Variants in BLTP3A observed in about 807,000 individuals in gnomAD.
The protein encoded by BLTP3A is bridge-like lipid transfer protein family member 3A.
At chr6:34,829,122 A>G in the BLTP3A span, among the ~76,000 whole-genome samples, 1 of 152,062 alleles carries the variant, frequency 6.6e-6, no homozygotes, top group Non-Finnish European at 1.5e-5. Flanking sequence ...TTCACATACC[A>G]TAACATTCAT....
At chr6:34,806,380 C>T in the BLTP3A span, among the ~76,000 whole-genome samples, 1 of 152,176 alleles carries the variant, frequency 6.6e-6, no homozygotes, top group Non-Finnish European at 1.5e-5. Flanking sequence ...GTGCTGCTCT[C>T]TTAGGTACGT....
the BLTP3A span, among the ~76,000 whole-genome samples, chr6:34,827,387 AAAAG>A: frequency 1.3e-3 from 193 of 152,322 alleles, no homozygotes; most frequent in African/African-American, 4.2e-3. Context: ...CTATTCAAAT[AAAAG>A]AAAAGAGGAT....
At chr6:34,839,554 A>C in the BLTP3A span, among the ~76,000 whole-genome samples, 1 of 152,230 alleles carries the variant, frequency 6.6e-6, no homozygotes, top group Non-Finnish European at 1.5e-5. Flanking sequence ...GACTATGCCA[A>C]ATGTCATGCC....
chr6:34,860,301 G>A, the BLTP3A span, among the ~76,000 whole-genome samples: 1 of 152,170 alleles, frequency 6.6e-6, no homozygotes, highest in Non-Finnish European at 1.5e-5. Flanking sequence ...ACACAGAAAT[G>A]CACAGTGAGA....
the BLTP3A span, among the ~76,000 whole-genome samples, chr6:34,808,977 T>G: frequency 6.6e-6 from 1 of 152,198 alleles, no homozygotes; most frequent in African/African-American, 2.4e-5. Context: ...TTTTAAACAT[T>G]TAAGAAATAC....
At chr6:34,871,598 C>T in the BLTP3A span, 2 of 1,612,920 alleles carry the variant, frequency 1.2e-6, no homozygotes, top group Admixed American at 1.7e-5. Flanking sequence ...ATATCCCCCC[C>T]ATCTATCCAA....
chr6:34,857,065 T>C, the BLTP3A span: 1 of 1,241,436 alleles, frequency 8.1e-7, no homozygotes, highest in African/African-American at 1.5e-5. Context: ...TTGGTCTGTT[T>C]CTTTCTGAGC....
At chr6:34,800,378 A>G in the BLTP3A span, among the ~76,000 whole-genome samples, 1 of 152,176 alleles carries the variant, frequency 6.6e-6, no homozygotes, top group Non-Finnish European at 1.5e-5. Flanking sequence ...GTTGCTTTGA[A>G]ATCGGAGAGT....
the BLTP3A span, chr6:34,835,471 G>C: frequency 6.2e-7 from 1 of 1,613,278 alleles, no homozygotes; most frequent in Non-Finnish European, 8.5e-7. Flanking sequence ...GCAGGTTAGA[G>C]ATAAAACAGA....
chr6:34,800,678 G>A, the BLTP3A span, among the ~76,000 whole-genome samples: 1 of 152,144 alleles, frequency 6.6e-6, no homozygotes, highest in East Asian at 1.9e-4. Flanking sequence ...GAATCAATCA[G>A]TATCTATAGT....
the BLTP3A span, chr6:34,859,537 A>T: frequency 6.2e-7 from 1 of 1,614,060 alleles, no homozygotes; most frequent in Non-Finnish European, 8.5e-7. Context: ...AATGACCTCC[A>T]CCATGCACAA....
chr6:34,833,098 T>C, the BLTP3A span, among the ~76,000 whole-genome samples: 11 of 152,314 alleles, frequency 7.2e-5, no homozygotes, highest in African/African-American at 2.6e-4. Context: ...AGTTGATCCT[T>C]GAATAGCACA....
At chr6:34,824,168 C>T in the BLTP3A span, among the ~76,000 whole-genome samples, 1,121 of 152,112 alleles carry the variant, frequency 7.4e-3, 21 homozygotes, top group African/African-American at 0.026. Context: ...TGTGAACCCA[C>T]CTGCAAATAC....
the BLTP3A span, among the ~76,000 whole-genome samples, chr6:34,826,357 C>CTTT: frequency 3.7e-5 from 5 of 135,422 alleles, no homozygotes; most frequent in Admixed American, 7.5e-5. Context: ...TTACATCCTA[C>CTTT]TTTTTTTTTT....
the BLTP3A span, chr6:34,871,098 C>G: frequency 9.3e-6 from 15 of 1,613,936 alleles, no homozygotes; most frequent in East Asian, 3.1e-4. Context: ...AGCTTCTGAA[C>G]TCCAGCATCA....
At chr6:34,860,337 A>G in the BLTP3A span, among the ~76,000 whole-genome samples, 2 of 152,160 alleles carry the variant, frequency 1.3e-5, no homozygotes, top group African/African-American at 4.8e-5. Flanking sequence ...CGATTTTCCC[A>G]TGGGTGCCTC....
At chr6:34,802,955 C>T in the BLTP3A span, among the ~76,000 whole-genome samples, 2 of 152,034 alleles carry the variant, frequency 1.3e-5, no homozygotes, top group African/African-American at 4.8e-5. Flanking sequence ...GTGGACAGAT[C>T]GCTTGAGCTC....
At chr6:34,813,440 G>A in the BLTP3A span, among the ~76,000 whole-genome samples, 1 of 152,202 alleles carries the variant, frequency 6.6e-6, no homozygotes, top group Non-Finnish European at 1.5e-5. Context: ...AAAGATGAGA[G>A]CCTTTCCCTG....
At chr6:34,828,698 A>T in the BLTP3A span, among the ~76,000 whole-genome samples, 528 of 151,314 alleles carry the variant, frequency 3.5e-3, 3 homozygotes, top group African/African-American at 0.012. Context: ...TGCCAGCATA[A>T]TTTTTTTTTC....
Sources: allele counts gnomAD v4.1 joint callset (sites outside exome capture counted in the v4.1 genomes callset), GRCh38; gene constraint gnomAD v4.1.1; transcripts MANE v1.5; gene names NCBI Gene and HGNC (gene_info 2026-07-23, HGNC 2026-07-21).